Variants in CRIM1 observed in about 807,000 individuals in gnomAD.
The protein encoded by CRIM1 is cysteine-rich motor neuron 1 protein.
A neutral mutation model predicts 116.4 loss-of-function variants in CRIM1; 32 were observed. The ratio of observed to expected loss-of-function variants is 0.27; its 90% CI spans 0.21 to 0.37. The LOEUF (loss-of-function observed/expected upper bound fraction) is 0.37. CRIM1 is among the 10% of genes least tolerant of loss of function. The pLI, the probability that CRIM1 is intolerant of heterozygous loss-of-function variation, is 1.00. For missense variants in CRIM1, 1,331 were observed against 1,354.8 expected (o/e 0.98, Z 0.28); for synonymous variants, 590 against 509.2 (o/e 1.16, Z -2.13).
chr2:36,476,816 T>A, intron 5 of CRIM1, 73 bp from the exon 6 acceptor site: 5 of 1,263,746 alleles, frequency 4.0e-6, no homozygotes, highest in Non-Finnish European at 4.4e-6. Context: ...TTCTAGAGGC[T>A]GTTTGAAAAA....
intron 2 of CRIM1, among the ~76,000 whole-genome samples, chr2:36,402,444 G>T (rs113409484): frequency 4.6e-5 from 7 of 151,826 alleles, no homozygotes; most frequent in Non-Finnish European, 8.8e-5. Flanking sequence ...GACCAGAATG[G>T]GGGGGAGGGA....
At chr2:36,449,805 A>C (rs1676553042) in intron 4 of CRIM1, among the ~76,000 whole-genome samples, 1 of 151,904 alleles carries the variant, frequency 6.6e-6, no homozygotes, top group African/African-American at 2.4e-5. Context: ...TCGCCTAGGG[A>C]TAAGAAAAGG....
chr2:36,508,293 A>G (rs374290464), intron 8 of CRIM1, among the ~76,000 whole-genome samples: 46 of 152,244 alleles, frequency 3.0e-4, no homozygotes, highest in Middle Eastern at 3.2e-3. Flanking sequence ...CTTAAAAGAT[A>G]GCAAATTAAA....
At chr2:36,408,009 C>T (rs1427492499) in intron 2 of CRIM1, among the ~76,000 whole-genome samples, 1 of 152,164 alleles carries the variant, frequency 6.6e-6, no homozygotes, top group Admixed American at 6.5e-5. Context: ...AAGCACTTTT[C>T]TGTCCTCTTT....
At chr2:36,532,559 G>A (rs1046385104) in intron 13 of CRIM1, among the ~76,000 whole-genome samples, 1 of 152,134 alleles carries the variant, frequency 6.6e-6, no homozygotes, top group Non-Finnish European at 1.5e-5. Context: ...AGATAAATTC[G>A]AGTCCCCATT....
At chr2:36,411,895 C>T (rs1023224483) in intron 2 of CRIM1, among the ~76,000 whole-genome samples, 1 of 152,112 alleles carries the variant, frequency 6.6e-6, no homozygotes, top group African/African-American at 2.4e-5. Context: ...GCTATGACTC[C>T]TGAAATAAAT....
In CRIM1 at chr2:36,479,503, T is replaced by A. The variant is rs763350869; in HGVS notation, c.1181T>A (p.Val394Glu). ...GECCPVCEDPVYPFNNPAGCY... is the reference protein window; with the variant it reads ...GECCPVCEDPEYPFNNPAGCY... ...AACTCATGTTCTCATTTAGATCCAGTGTATCCTTTTAATAATCCCGCTGGC... is the reference window on the plus strand; with the variant it reads ...AACTCATGTTCTCATTTAGATCCAGAGTATCCTTTTAATAATCCCGCTGGC... The change falls in exon 7 of 17, where the codon GTG becomes GAG. Residue 394 changes from valine (V) to glutamate (E), a missense_variant. Physicochemically the swap from Val to Glu is moderately radical, Grantham distance 121. Transcript: ENST00000280527. 6.2e-7 allele frequency: 1 copy of A among 1,614,136 alleles called. No homozygotes were observed. The highest frequency in any genetic ancestry group is 8.5e-7 in the Non-Finnish European group (1 of 1,179,970).
chr2:36,449,883 C>CAA (rs11430812), intron 4 of CRIM1, among the ~76,000 whole-genome samples: 160 of 149,986 alleles, frequency 1.1e-3, no homozygotes, highest in African/African-American at 2.5e-3. Flanking sequence ...AAAAACAAAA[C>CAA]AAAAAAAAAC....
chr2:36,418,441 C>G (rs372649969), intron 2 of CRIM1, among the ~76,000 whole-genome samples: 1 of 152,148 alleles, frequency 6.6e-6, no homozygotes, highest in Non-Finnish European at 1.5e-5. Flanking sequence ...TGCACACCAC[C>G]CTGCCTGGCG....
chr2:36,451,829 G>C (rs955933453), intron 4 of CRIM1, among the ~76,000 whole-genome samples: 1 of 152,230 alleles, frequency 6.6e-6, no homozygotes, highest in Non-Finnish European at 1.5e-5. Flanking sequence ...GCTTGGAACT[G>C]TCAGGGTCAT....
At chr2:36,531,895 T>A (rs1207244226) in intron 13 of CRIM1, 2 of 470,932 alleles carry the variant, frequency 4.2e-6, no homozygotes, top group Non-Finnish European at 8.8e-6. Context: ...GATGTTTGTC[T>A]GAGCATCCCA....
At chr2:36,493,936 G>A (rs1295723575) in intron 7 of CRIM1, among the ~76,000 whole-genome samples, 2 of 152,154 alleles carry the variant, frequency 1.3e-5, no homozygotes, top group African/African-American at 4.8e-5. Context: ...ACTATATAAT[G>A]TGAGGGTAAG....
chr2:36,499,245 C>G lies in CRIM1; in HGVS notation c.1399C>G (p.Pro467Ala). Residue 467 changes from proline to alanine, a missense_variant, in exon 8 of 17, where the codon CCT (proline) becomes GCT (alanine). By Grantham distance (27) the Pro-to-Ala change is conservative. Around this residue, in one of 3 missense-constraint regions of CRIM1, gnomAD observed 690 missense variants for 676.0 expected, o/e 1.02. Transcript: ENST00000280527. ...EEPTIITVDP[P>A]ACGELSNCTL... ...ACCAACCATCATCACAGTTGATCCA[C>G]CTGCATGTGGGGAGTTATCAAACTG... 6.2e-7 allele frequency: 1 copy of G among 1,612,132 alleles called. No individual in the cohort carries two copies.
intron 1 of CRIM1, among the ~76,000 whole-genome samples, chr2:36,361,668 G>A (rs1033152479): frequency 9.2e-5 from 14 of 152,136 alleles, no homozygotes; most frequent in Non-Finnish European, 1.6e-4. Flanking sequence ...CCTGAAAAAT[G>A]TGGGTGTGCT....
At chr2:36,480,129 C>T (rs1306326812) in intron 7 of CRIM1, among the ~76,000 whole-genome samples, 1 of 152,186 alleles carries the variant, frequency 6.6e-6, no homozygotes, top group Non-Finnish European at 1.5e-5. Flanking sequence ...ATTTCCACTG[C>T]CTAGTGCCGT....
chr2:36,358,535 A>G lies in CRIM1; in HGVS notation c.331+1912A>G, dbSNP rs1669007318. On this transcript the variant is annotated intron_variant, in intron 1 of 16. Transcript: ENST00000280527. ...TCGAGTGTTGTGGCAGCAATATCCC[A>G]TGTCACAGTATAGAGTTATTTTGGC... is the stretch of plus-strand genomic sequence containing the variant. Among the ~76,000 whole-genome samples, 2 of 152,194 alleles carry G rather than the reference A, an allele frequency of 1.3e-5. 1 individual carries two copies. Among genetic ancestry groups the G allele is most frequent in the African/African-American group, 4.8e-5 (2 of 41,440 alleles).
rs1343622285 is a variant in CRIM1 at position 36,501,810 on chromosome 2, G to T, written c.1501+2463G>T. 3.3e-5 allele frequency among the ~76,000 whole-genome samples: 5 copies of T among 152,224 alleles called. No homozygotes were observed. The South Asian group carries it at 1.0e-3, about 32-fold the overall frequency. On this transcript the variant is annotated intron_variant, in intron 8 of 16. Transcript: ENST00000280527. ...CCTATAAGCCTCTACCCATTTGGGG[G>T]TATTCTGACTTCCTACACTTGATTC...
chr2:36,531,806 A>T, intron 13 of CRIM1: 1 of 440,794 alleles, frequency 2.3e-6, no homozygotes, highest in Non-Finnish European at 4.7e-6. Context: ...TCTACTGCTG[A>T]AAGACATTGT....
In CRIM1 at chr2:36,461,530, C is replaced by T. The variant is rs562074221; in HGVS notation, c.870-3004C>T. ...TGGAAAACACAGAGAACAGGAAACC[C>T]TATTTAAAATCAGGTCACTTGACTA... is the stretch of plus-strand genomic sequence containing the variant. On this transcript the variant is annotated intron_variant, in intron 4 of 16. Transcript: ENST00000280527. 2.0e-5 allele frequency among the ~76,000 whole-genome samples: 3 copies of T among 152,288 alleles called. No individual in the cohort carries two copies. In the East Asian group the frequency reaches 5.8e-4, roughly 29 times the overall value.
Sources: gnomAD v4.1 joint callset for allele counts (sites outside exome capture counted in the v4.1 genomes callset) on GRCh38, gnomAD v4.1.1 for gene constraint, gnomAD v4.1.1 regional missense constraint, MANE v1.5 for transcripts, NCBI Gene and HGNC (gene_info 2026-07-23, HGNC 2026-07-21) for gene names.